Variants in EPHA7 observed in about 807,000 individuals in gnomAD.
EPHA7 encodes ephrin type-A receptor 7.
Under a neutral mutation model 112.6 loss-of-function variants are expected in EPHA7, and 25 were observed. That is an observed-to-expected ratio of 0.22 (90% confidence interval 0.16 to 0.31). The LOEUF (loss-of-function observed/expected upper bound fraction) is 0.31. Ranked by LOEUF, EPHA7 falls within the 10% of genes least tolerant of loss-of-function variation. EPHA7 has a pLI of 1.00. For missense variants in EPHA7, 962 were observed against 1,212.6 expected, an observed-to-expected ratio of 0.79 and a Z score of 3.07; for synonymous variants, 437 against 406.5, an observed-to-expected ratio of 1.07 and a Z score of -0.90.
At chr6:93,302,861 A>G (rs1425985182) in intron 5 of EPHA7, among the ~76,000 whole-genome samples, 1 of 152,090 alleles carries the variant, frequency 6.6e-6, no homozygotes, top group East Asian at 1.9e-4. Context: ...CACTTAAAGC[A>G]CAGAAAAAAG....
intron 1 of EPHA7, among the ~76,000 whole-genome samples, chr6:93,417,124 C>G (rs910369625): frequency 2.0e-5 from 3 of 152,190 alleles, no homozygotes; most frequent in African/African-American, 7.2e-5. Context: ...ACTTTGCCTT[C>G]AAGCGTCAGA....
At chr6:93,329,244 A>T (rs1774469680) in intron 5 of EPHA7, among the ~76,000 whole-genome samples, 1 of 151,418 alleles carries the variant, frequency 6.6e-6, no homozygotes, top group Admixed American at 6.6e-5. Context: ...GCAGAGTATG[A>T]CCTACAAGTT....
At chr6:93,258,688 T>G (rs942057660) in intron 10 of EPHA7, among the ~76,000 whole-genome samples, 24 of 148,446 alleles carry the variant, frequency 1.6e-4, no homozygotes, top group African/African-American at 5.6e-4. Flanking sequence ...TTATATATAT[T>G]ATATTAGTAT....
At chr6:93,255,272 C>T (rs1029218796) in intron 13 of EPHA7, among the ~76,000 whole-genome samples, 7 of 152,106 alleles carry the variant, frequency 4.6e-5, no homozygotes, top group African/African-American at 1.4e-4. Context: ...TGCTTGAACC[C>T]GGGAGGCGGA....
Position 93,274,276 on chromosome 6 carries a change from A to G in EPHA7, c.1325-1854T>C, listed in dbSNP as rs2127885617. Among the ~76,000 whole-genome samples, 2 of 152,016 alleles carry G rather than the reference A, an allele frequency of 1.3e-5. 1 individual carries two copies. The highest frequency in any genetic ancestry group is 4.8e-5 in the African/African-American group (2 of 41,510). ...AACTATCACTTTGCTTGGTATGATA[A>G]AAGAGGCAGGAGACTCTGAATTCTT... On this transcript the variant is annotated intron_variant, in intron 5 of 16. Transcript: ENST00000369303.
intron 1 of EPHA7, among the ~76,000 whole-genome samples, chr6:93,417,993 T>C (rs887948043): frequency 1.3e-5 from 2 of 151,996 alleles, no homozygotes; most frequent in African/African-American, 2.4e-5. Context: ...AATAGATGAA[T>C]CAAGGACCTA....
rs1380130381 is a variant in EPHA7 at position 93,357,035 on chromosome 6, G to C, written c.1006C>G (p.Gln336Glu). The change falls in exon 5 of 17, where the codon CAG becomes GAG. Residue 336 changes from glutamine (Q) to glutamate (E), a missense_variant. Gln to Glu is a conservative substitution (Grantham distance 29). This residue lies in a region of EPHA7 where 746 missense variants were observed against 889.2 expected (regional missense o/e 0.84). Coordinates refer to ENST00000369303, the MANE Select transcript of EPHA7 (RefSeq NM_004440.4). Reference protein sequence around the residue: ...VACTRPPSAPQNLIFNINQTT... With the variant: ...VACTRPPSAPENLIFNINQTT... ...TGGTTGATGTTGAAAATGAGGTTCTGTGGTGCAGATGGAGGCCCTTGGGAA... is the reference window on the plus strand; with the variant it reads ...TGGTTGATGTTGAAAATGAGGTTCTCTGGTGCAGATGGAGGCCCTTGGGAA... 5.0e-6 allele frequency: 8 copies of C among 1,612,232 alleles called. No individual in the cohort carries two copies. The East Asian group carries it at 1.6e-4, about 31-fold the overall frequency.
rs527798103 is a variant in EPHA7, at chr6:93,371,010, A to G, written c.833-12599T>C. 3.8e-4 allele frequency among the ~76,000 whole-genome samples: 58 copies of G among 151,634 alleles called. 1 individual carries two copies. The highest frequency in any genetic ancestry group is 3.4e-3 in the Middle Eastern group (1 of 292). On this transcript the variant is annotated intron_variant, in intron 3 of 16. Transcript: ENST00000369303. Reference sequence around the variant, plus strand: ...AATACAAAAAAAAAAAAAAGAAAAAAAAACTTAGCCAGCCGTGGCGGCGGG... The same window carrying G: ...AATACAAAAAAAAAAAAAAGAAAAAGAAACTTAGCCAGCCGTGGCGGCGGG...
intron 3 of EPHA7, among the ~76,000 whole-genome samples, chr6:93,405,677 A>G (rs988247630): frequency 3.3e-4 from 50 of 150,854 alleles, no homozygotes; most frequent in African/African-American, 1.2e-3. Flanking sequence ...GTTTGGAGAG[A>G]TTGTCCTACT....
At chr6:93,285,285 C>T (rs375405407) in intron 5 of EPHA7, among the ~76,000 whole-genome samples, 4 of 152,230 alleles carry the variant, frequency 2.6e-5, no homozygotes, top group Non-Finnish European at 5.9e-5. Context: ...AGAAAATTAA[C>T]GCAGCTAATT....
At chr6:93,391,214 T>C (rs1341328203) in intron 3 of EPHA7, among the ~76,000 whole-genome samples, 1 of 151,944 alleles carries the variant, frequency 6.6e-6, no homozygotes, top group African/African-American at 2.4e-5. Context: ...CAGAGATTCA[T>C]GGAGGTTCTG....
At chr6:93,293,974 A>G (rs1478844658) in intron 5 of EPHA7, among the ~76,000 whole-genome samples, 1 of 152,134 alleles carries the variant, frequency 6.6e-6, no homozygotes, top group Admixed American at 6.5e-5. Context: ...TGGGCTACTC[A>G]TTTACTTTCT....
At chr6:93,284,300 GT>G (rs1314838527) in intron 5 of EPHA7, among the ~76,000 whole-genome samples, 3 of 150,572 alleles carry the variant, frequency 2.0e-5, no homozygotes, top group Admixed American at 1.3e-4. Context: ...ATTCTTCCTC[GT>G]TAGTGGCTTT....
At chr6:93,316,661 C>T (rs1425352777) in intron 5 of EPHA7, among the ~76,000 whole-genome samples, 1 of 152,046 alleles carries the variant, frequency 6.6e-6, no homozygotes, top group Non-Finnish European at 1.5e-5. Flanking sequence ...AAAGAAATTA[C>T]TTTCTATATT....
At chr6:93,314,882 A>C (rs1413044327) in intron 5 of EPHA7, among the ~76,000 whole-genome samples, 5 of 66,008 alleles carry the variant, frequency 7.6e-5, no homozygotes, top group African/African-American at 3.1e-4. Context: ...TTTTTTTTTG[A>C]GACGGAGTCT....
chr6:93,336,554 C>T (rs1774882846), intron 5 of EPHA7, among the ~76,000 whole-genome samples: 1 of 152,096 alleles, frequency 6.6e-6, no homozygotes. Flanking sequence ...AGGCACGTGC[C>T]ACCACGCCTA....
intron 5 of EPHA7, among the ~76,000 whole-genome samples, chr6:93,306,824 T>C (rs984076061): frequency 6.6e-6 from 1 of 152,002 alleles, no homozygotes; most frequent in Non-Finnish European, 1.5e-5. Flanking sequence ...TTATGACCTA[T>C]TGTAAGAATG....
At position 93,386,916 on chromosome 6, in the gene EPHA7, A is replaced by AG. The variant is rs1228650601; in HGVS notation, c.832+23584dup. ...ACCAAGTCCCTAGGCTGCACACAGTAGGGGGGTCCTGGACCTGGCCCACAA... is the reference window on the plus strand; with the variant it reads ...ACCAAGTCCCTAGGCTGCACACAGTAGGGGGGGTCCTGGACCTGGCCCACAA... On this transcript the variant is annotated intron_variant, in intron 3 of 16. Transcript: ENST00000369303. Among the ~76,000 whole-genome samples, 6 of 152,036 alleles carry AG rather than the reference A, an allele frequency of 3.9e-5. No individual in the cohort carries two copies. The East Asian group carries it at 5.8e-4, about 15-fold the overall frequency.
intron 3 of EPHA7, among the ~76,000 whole-genome samples, chr6:93,405,797 G>GTA: frequency 5.6e-5 from 3 of 53,250 alleles, no homozygotes; most frequent in African/African-American, 2.6e-4. Context: ...GTGTGTGTGT[G>GTA]TGTGTGTGTG....
Sources: gnomAD v4.1 joint callset for allele counts (sites outside exome capture counted in the v4.1 genomes callset) on GRCh38, gnomAD v4.1.1 for gene constraint, gnomAD v4.1.1 regional missense constraint, MANE v1.5 for transcripts, NCBI Gene and HGNC (gene_info 2026-07-23, HGNC 2026-07-21) for gene names.